The following SLC66A2 variants were observed in gnomAD, a reference collection of about 807,000 sequenced individuals.
SLC66A2 encodes the protein solute carrier family 66 member 2.
Under a neutral mutation model 25.5 loss-of-function variants are expected in SLC66A2, and 23 were observed. That is an observed-to-expected ratio of 0.90 (90% CI 0.65 to 1.28). SLC66A2 has a LOEUF of 1.28. Ranked by LOEUF, SLC66A2 falls within the 50% of genes most tolerant of loss-of-function variation. SLC66A2 has a pLI of 0.00. For synonymous variants in SLC66A2, 193 were observed against 166.5 expected (o/e 1.16, Z -1.23); for missense variants, 396 against 373.1 (o/e 1.06, Z -0.51).
intron 5 of SLC66A2, among the ~76,000 whole-genome samples, chr18:79,905,097 C>A (rs955221694): frequency 1.3e-5 from 2 of 152,190 alleles, no homozygotes; most frequent in Admixed American, 1.3e-4. Flanking sequence ...AGGAGACAGC[C>A]GGCATCTGCA....
intron 5 of SLC66A2, among the ~76,000 whole-genome samples, chr18:79,916,297 G>A (rs926963101): frequency 6.6e-5 from 10 of 151,068 alleles, no homozygotes; most frequent in African/African-American, 1.2e-4. Flanking sequence ...CGTACCCGTG[G>A]TGCTCCCGTA....
chr18:79,950,303 T>C (rs1328361457), intron 2 of SLC66A2, among the ~76,000 whole-genome samples: 1 of 152,112 alleles, frequency 6.6e-6, no homozygotes, highest in Non-Finnish European at 1.5e-5. Context: ...GAGACTGCGG[T>C]GAGCTGTCAT....
chr18:79,938,812 G>A (rs1987366792), intron 3 of SLC66A2, among the ~76,000 whole-genome samples: 1 of 152,218 alleles, frequency 6.6e-6, no homozygotes, highest in Non-Finnish European at 1.5e-5. Flanking sequence ...GAGTAGCTGG[G>A]ATTACAGGCA....
intron 2 of SLC66A2, among the ~76,000 whole-genome samples, chr18:79,949,269 G>A (rs981812647): frequency 6.6e-6 from 1 of 152,188 alleles, no homozygotes; most frequent in Non-Finnish European, 1.5e-5. Context: ...GGAGCACCCC[G>A]GCTCATGAAC....
chr18:79,915,075 C>T (rs1193120607), intron 5 of SLC66A2, among the ~76,000 whole-genome samples: 1 of 152,236 alleles, frequency 6.6e-6, no homozygotes, highest in South Asian at 2.1e-4. Flanking sequence ...CAAAACCTTC[C>T]CTCAGGCCAT....
Position 79,908,568 on chromosome 18 carries a change from G to A in SLC66A2, c.609-4385C>T, listed in dbSNP as rs540750604. Among the ~76,000 whole-genome samples, 9 of 152,070 alleles carry A rather than the reference G, an allele frequency of 5.9e-5. No individual in the cohort carries two copies. The South Asian group carries it at 1.9e-3, about 32-fold the overall frequency. ...TATGTTTGTCTTTCACCAAATTTTGGGTGTTTTCAGCCCTTATTTCTTCAG... is the reference window on the plus strand; with the variant it reads ...TATGTTTGTCTTTCACCAAATTTTGAGTGTTTTCAGCCCTTATTTCTTCAG... On this transcript the variant is annotated intron_variant, in intron 5 of 5. Coordinates refer to ENST00000397778, the MANE Select transcript of SLC66A2 (RefSeq NM_025078.5).
rs1163429766 is a variant in SLC66A2, at chr18:79,919,383, A to C, written c.409T>G (p.Phe137Val). ...RSFLDFDPHH[F>V]WQWSSFSDYV... ...TCCGAGAAGCTGCTCCACTGCCAGA[A>C]GTGGTGGGGGTCGAAGTCTAGGGCG... is the stretch of plus-strand genomic sequence containing the variant. The change falls in exon 5 of 6, where the codon TTC becomes GTC. Residue 137 changes from phenylalanine to valine, a missense_variant. Coordinates refer to ENST00000397778, the MANE Select transcript of SLC66A2 (RefSeq NM_025078.5). The C allele has an allele frequency of 2.5e-6, 4 of 1,612,978 alleles. No individual in the cohort carries two copies. The African/African-American group carries it at 4.0e-5, about 16-fold the overall frequency.
intron 4 of SLC66A2, among the ~76,000 whole-genome samples, chr18:79,932,930 G>T (rs946587357): frequency 6.6e-6 from 1 of 152,126 alleles, no homozygotes; most frequent in Non-Finnish European, 1.5e-5. Context: ...AAAAGGAGGG[G>T]AACATTTCCC....
At chr18:79,915,584 C>T (rs1313278624) in intron 5 of SLC66A2, 1 of 152,226 alleles carries the variant, frequency 6.6e-6, no homozygotes, top group East Asian at 1.9e-4. Flanking sequence ...AACGTGCCAG[C>T]TGTGTGGGTC....
At chr18:79,922,146 T>A (rs1985315130) in intron 4 of SLC66A2, among the ~76,000 whole-genome samples, 2 of 151,888 alleles carry the variant, frequency 1.3e-5, no homozygotes, top group Admixed American at 6.6e-5. Context: ...TAACTCAACA[T>A]AAAAGACGCT....
Position 79,903,693 on chromosome 18 carries a change from T to C in SLC66A2, c.*283A>G, listed in dbSNP as rs1568283766. On this transcript the variant is annotated 3_prime_UTR_variant, in exon 6 of 6. Coordinates refer to ENST00000397778, the MANE Select transcript of SLC66A2 (RefSeq NM_025078.5). ...TACCTTGGGCTCAGACGGTGTTTCA[T>C]AAGAGGAAATGGGGAAAACACTTGC... The C allele has an allele frequency of 2.2e-6, 1 of 456,078 alleles. No homozygotes were observed. Among genetic ancestry groups the C allele is most frequent in the African/African-American group, 2.1e-5 (1 of 48,290 alleles). The allele number at this position is 456,078 out of a possible 1,614,324, so 28.3% of individuals were successfully genotyped here. A position where few individuals can be genotyped will look rare whatever the true frequency, so the allele number is the denominator to read the frequency against.
At chr18:79,932,122 T>C (rs1214908927) in intron 4 of SLC66A2, among the ~76,000 whole-genome samples, 1 of 152,238 alleles carries the variant, frequency 6.6e-6, no homozygotes, top group Non-Finnish European at 1.5e-5. Context: ...CACAAATATG[T>C]GGAAGTTAAC....
At chr18:79,950,337 C>G (rs535822770) in intron 2 of SLC66A2, among the ~76,000 whole-genome samples, 3 of 152,248 alleles carry the variant, frequency 2.0e-5, no homozygotes, top group African/African-American at 7.2e-5. Flanking sequence ...TCAGCCTGGA[C>G]CACAGAGCAA....
intron 3 of SLC66A2, among the ~76,000 whole-genome samples, chr18:79,934,869 G>A (rs543441626): frequency 2.0e-5 from 3 of 152,206 alleles, no homozygotes; most frequent in African/African-American, 4.8e-5. Context: ...AAGCAAATAC[G>A]AGGTGACCTC....
Position 79,909,545 on chromosome 18 carries a change from TCCCCACACCCTCACCAGAGTCCCCAG to T in SLC66A2, c.609-5388_609-5363del, listed in dbSNP as rs1265324668. Among the ~76,000 whole-genome samples the T allele has an allele frequency of 3.6e-4, 47 of 132,344 alleles. 1 individual carries two copies. Among genetic ancestry groups the T allele is most frequent in the Non-Finnish European group, 3.3e-4 (21 of 63,124 alleles). 86.8% of individuals were successfully genotyped at this position (132,344 alleles called of 152,430 possible). A position where few individuals can be genotyped will look rare whatever the true frequency, so the allele number is the denominator to read the frequency against. On this transcript the variant is annotated intron_variant, in intron 5 of 5. Transcript: ENST00000397778. ...AACATCACCACAGAGTCCCCAACCT[TCCCCACACCCTCACCAGAGTCCCCAG>T]CCTTCCCCACCATCTCACCAGTCTC...
intron 3 of SLC66A2, among the ~76,000 whole-genome samples, chr18:79,934,844 CA>C (rs1208109300): frequency 6.6e-6 from 1 of 152,228 alleles, no homozygotes; most frequent in Non-Finnish European, 1.5e-5. Context: ...GGAAATTTTG[CA>C]AGTGAACAGC....
chr18:79,916,276 C>T (rs541895242), intron 5 of SLC66A2, among the ~76,000 whole-genome samples: 10 of 144,144 alleles, frequency 6.9e-5, no homozygotes, highest in African/African-American at 2.5e-4. Flanking sequence ...CTCCCGTACC[C>T]GTGGTGCTCC....
intron 5 of SLC66A2, among the ~76,000 whole-genome samples, chr18:79,911,038 G>C (rs550346748): frequency 6.6e-6 from 1 of 152,248 alleles, no homozygotes; most frequent in East Asian, 1.9e-4. Flanking sequence ...CCCACACCAC[G>C]GCCTCAGGTG....
chr18:79,917,430 G>A lies in SLC66A2; in HGVS notation c.608+1754C>T, dbSNP rs1555702644. On this transcript the variant is annotated intron_variant, in intron 5 of 5. Transcript: ENST00000397778. This position sits in a 1 kb window ranked among gnomAD's most constrained non-coding sequence, Gnocchi z 6.0. ...TCCGGATCCGCTAGACCCTCACCAC[G>A]AGGCTGTGGTGATGCTCTGGAGGGC... 1.3e-5 allele frequency among the ~76,000 whole-genome samples: 2 copies of A among 152,168 alleles called. No individual in the cohort carries two copies. The highest frequency in any genetic ancestry group is 4.8e-5 in the African/African-American group (2 of 41,444).
Sources: gnomAD v4.1 joint callset for allele counts (sites outside exome capture counted in the v4.1 genomes callset) on GRCh38, gnomAD v4.1.1 for gene constraint, Gnocchi (gnomAD v3.1) non-coding constraint, MANE v1.5 for transcripts, NCBI Gene and HGNC (gene_info 2026-07-23, HGNC 2026-07-21) for gene names.